Variants in CGREF1 observed in about 807,000 individuals in gnomAD.
CGREF1 encodes cell growth regulator with EF hand domain protein 1.
CGREF1 carries 16 observed loss-of-function variants against 17.4 expected under a neutral mutation model. That is an observed-to-expected ratio of 0.92 (90% CI 0.62 to 1.40). The LOEUF is 1.40. CGREF1 is among the 40% of genes most tolerant of loss of function. The pLI is 0.00. For missense variants in CGREF1, 296 were observed against 376.4 expected, an observed-to-expected ratio of 0.79 and a Z score of 1.77; for synonymous variants, 142 against 154.6, an observed-to-expected ratio of 0.92 and a Z score of 0.61.
At chr2:27,111,983 C>T (rs193062970) in intron 1 of CGREF1, among the ~76,000 whole-genome samples, 1 of 152,314 alleles carries the variant, frequency 6.6e-6, no homozygotes, top group East Asian at 1.9e-4. Flanking sequence ...GAGGAGGCGC[C>T]GAGAACGAGC....
rs1347790741 is a variant in CGREF1 at position 27,101,065 on chromosome 2, G to T, written c.*209C>A. 2.3e-6 allele frequency: 3 copies of T among 1,293,002 alleles called. No individual in the cohort carries two copies. Among genetic ancestry groups the T allele is most frequent in the Non-Finnish European group, 2.9e-6 (3 of 1,031,530 alleles). 80.1% of individuals were successfully genotyped at this position (1,293,002 alleles called of 1,614,324 possible). The stretch of plus-strand genomic sequence containing the variant: ...CTGGGCAGGCTGGACGGGTAGAGAG[G>T]TGGCCGGGGGGATGAATTCATTCAG... On this transcript the variant is annotated 3_prime_UTR_variant, in exon 6 of 6. Coordinates refer to ENST00000402394, the MANE Select transcript of CGREF1 (RefSeq NM_006569.6).
chr2:27,109,717 C>A (rs1558462821), intron 1 of CGREF1, among the ~76,000 whole-genome samples: 1 of 151,572 alleles, frequency 6.6e-6, no homozygotes, highest in Middle Eastern at 3.4e-3. Context: ...GAAACCCTGT[C>A]TCTACTAAAA....
At position 27,106,021 on chromosome 2, in the gene CGREF1, G is replaced by A. The variant is rs148928329; in HGVS notation, c.-11-1644C>T. Among the ~76,000 whole-genome samples, 4 of 152,292 alleles carry A rather than the reference G, an allele frequency of 2.6e-5. No individual in the cohort carries two copies. In the East Asian group the frequency reaches 7.7e-4, roughly 29 times the overall value. Reference sequence around the variant, plus strand: ...TCCTAGGGTTTTAGTCGTTGCACCTGGAAGAGAAGACAAGGTCCTGGGCCC... The same window carrying A: ...TCCTAGGGTTTTAGTCGTTGCACCTAGAAGAGAAGACAAGGTCCTGGGCCC... On this transcript the variant is annotated intron_variant, in intron 1 of 5. Transcript: ENST00000402394.
chr2:27,111,343 A>G (rs1671373387), intron 1 of CGREF1, among the ~76,000 whole-genome samples: 1 of 152,224 alleles, frequency 6.6e-6, no homozygotes, highest in Non-Finnish European at 1.5e-5. Flanking sequence ...TGGTGTGTTT[A>G]CAAACCTTGA....
At chr2:27,110,150 G>A (rs1040934844) in intron 1 of CGREF1, among the ~76,000 whole-genome samples, 17 of 151,602 alleles carry the variant, frequency 1.1e-4, no homozygotes, top group Non-Finnish European at 2.9e-5. Flanking sequence ...TTGAGCCCAG[G>A]AGTTTGAGAC....
intron 1 of CGREF1, among the ~76,000 whole-genome samples, chr2:27,116,427 T>G (rs1671565624): frequency 6.6e-6 from 1 of 151,374 alleles, no homozygotes; most frequent in Admixed American, 6.6e-5. Flanking sequence ...CTTCGGAGGC[T>G]GAGACACGAG....
chr2:27,111,468 C>T (rs917106042), intron 1 of CGREF1, among the ~76,000 whole-genome samples: 5 of 152,250 alleles, frequency 3.3e-5, no homozygotes, highest in African/African-American at 9.6e-5. Flanking sequence ...GATCCTGCAC[C>T]GGGGCCGCAG....
intron 1 of CGREF1, among the ~76,000 whole-genome samples, chr2:27,115,384 A>G (rs1199243090): frequency 2.6e-5 from 4 of 152,078 alleles, no homozygotes; most frequent in Non-Finnish European, 5.9e-5. Flanking sequence ...CTACTTTTAA[A>G]CCCAAGCTCC....
At chr2:27,106,395 A>G (rs1412014916) in intron 1 of CGREF1, among the ~76,000 whole-genome samples, 3 of 152,156 alleles carry the variant, frequency 2.0e-5, no homozygotes, top group Admixed American at 1.3e-4. Context: ...GAGACCAGAG[A>G]TGATACCTGG....
intron 1 of CGREF1, 176 bp downstream of exon 1, chr2:27,118,670 A>T (rs925390288): frequency 1.3e-5 from 2 of 152,344 alleles, no homozygotes; most frequent in African/African-American, 2.4e-5. Context: ...ACCTGCCCTC[A>T]GGGTACACAG....
chr2:27,113,517 G>A (rs1222002662), intron 1 of CGREF1, among the ~76,000 whole-genome samples: 1 of 152,166 alleles, frequency 6.6e-6, no homozygotes. Context: ...ATGTAAGTAG[G>A]AAAAGATACA....
intron 1 of CGREF1, among the ~76,000 whole-genome samples, chr2:27,112,621 GAA>G (rs1383548172): frequency 2.6e-5 from 4 of 152,126 alleles, no homozygotes; most frequent in Non-Finnish European, 5.9e-5. Flanking sequence ...AAATGGAAAA[GAA>G]ATTACAAAGA....
chr2:27,116,589 A>G (rs568852024), intron 1 of CGREF1, among the ~76,000 whole-genome samples: 1 of 148,372 alleles, frequency 6.7e-6, no homozygotes, highest in African/African-American at 2.5e-5. Flanking sequence ...TTTTTTTTTG[A>G]GATAGAGTCT....
At chr2:27,104,500 C>G in intron 1 of CGREF1, 123 bp from the exon 2 acceptor site, 1 of 1,551,752 alleles carries the variant, frequency 6.4e-7, no homozygotes, top group Middle Eastern at 1.7e-4. Flanking sequence ...AAAGACAGGA[C>G]TCCTGCTCAG....
chr2:27,104,508 C>G, intron 1 of CGREF1, 131 bp from the exon 2 acceptor site: 1 of 1,551,342 alleles, frequency 6.4e-7, no homozygotes, highest in Non-Finnish European at 8.7e-7. Context: ...GACTCCTGCT[C>G]AGGGAGGACT....
At chr2:27,115,834 T>C (rs1328025107) in intron 1 of CGREF1, among the ~76,000 whole-genome samples, 1 of 152,226 alleles carries the variant, frequency 6.6e-6, no homozygotes, top group Non-Finnish European at 1.5e-5. Context: ...TTTTCAGTGC[T>C]TTTGCCCAAC....
intron 1 of CGREF1, among the ~76,000 whole-genome samples, chr2:27,112,250 T>C (rs1671419220): frequency 6.6e-6 from 1 of 152,148 alleles, no homozygotes; most frequent in South Asian, 2.1e-4. Flanking sequence ...TACTCCAGCC[T>C]GGGTGACAGA....
intron 1 of CGREF1, among the ~76,000 whole-genome samples, chr2:27,105,857 T>C (rs1671102420): frequency 6.6e-6 from 1 of 152,232 alleles, no homozygotes; most frequent in African/African-American, 2.4e-5. Flanking sequence ...CGTCTTCATT[T>C]TTCTATGCAT....
downstream of CGREF1, chr2:27,100,463 G>A (rs141247751): frequency 5.4e-6 from 7 of 1,291,058 alleles, no homozygotes; most frequent in Non-Finnish European, 6.1e-6. Context: ...CCAGGATACA[G>A]AGTGTTGCTG....
Sources: allele counts gnomAD v4.1 joint callset (sites outside exome capture counted in the v4.1 genomes callset), GRCh38; gene constraint gnomAD v4.1.1; transcripts MANE v1.5; gene names NCBI Gene and HGNC (gene_info 2026-07-23, HGNC 2026-07-21).